C4BPB: variants seen among roughly 807,000 people sequenced by gnomAD.
C4BPB encodes the protein C4b-binding protein beta chain.
C4BPB carries 19 observed loss-of-function variants against 26.6 expected under a neutral mutation model. The observed-to-expected ratio is 0.71, with a 90% CI of 0.50 to 1.05. The LOEUF (loss-of-function observed/expected upper bound fraction) is 1.05, where lower values mean the gene tolerates loss of function less well. C4BPB is among the 50% of genes least tolerant of loss of function. C4BPB has a pLI of 0.00. For synonymous variants in C4BPB, 118 were observed against 103.5 expected, an observed-to-expected ratio of 1.14 and a Z score of -0.85; for missense variants, 282 against 302.9, an observed-to-expected ratio of 0.93 and a Z score of 0.51.
intron 2 of C4BPB, 86 bp downstream of exon 2, chr1:207,089,675 A>G (rs1232116997): frequency 6.3e-6 from 7 of 1,109,100 alleles, no homozygotes; most frequent in Admixed American, 1.9e-5. Context: ...GGCTTTAAGG[A>G]AGTTTACATT....
chr1:207,095,088 C>T, intron 4 of C4BPB: 1 of 315,402 alleles, frequency 3.2e-6, no homozygotes, highest in Non-Finnish European at 6.2e-6. Context: ...CATTGTTAGC[C>T]ACTATTTTTG....
At chr1:207,095,145 A>G (rs116654385) in intron 4 of C4BPB, 3 of 376,536 alleles carry the variant, frequency 8.0e-6, no homozygotes, top group South Asian at 4.0e-5. Flanking sequence ...CTGGGACCTT[A>G]GAGATGATAT....
intron 3 of C4BPB, 80 bp downstream of exon 3, chr1:207,090,561 G>A: frequency 1.5e-6 from 2 of 1,324,712 alleles, no homozygotes; most frequent in South Asian, 1.5e-5. Flanking sequence ...ATAGGCTGTG[G>A]TAAAACTTTA....
intron 1 of C4BPB, 49 bp from the exon 2 acceptor site, chr1:207,089,433 T>G (rs1240621309): frequency 4.3e-6 from 4 of 938,664 alleles, no homozygotes; most frequent in Non-Finnish European, 5.2e-6. Flanking sequence ...GAGGAGGTGG[T>G]TAGGTTGGTC....
chr1:207,095,560 C>T (rs1305203773), intron 4 of C4BPB: 1 of 386,880 alleles, frequency 2.6e-6, no homozygotes, highest in Non-Finnish European at 5.1e-6. Flanking sequence ...AATTCCTGAC[C>T]TCAGGTGATC....
At chr1:207,095,842 A>AGT (rs1684228606) in intron 4 of C4BPB, 3 of 182,884 alleles carry the variant, frequency 1.6e-5, no homozygotes, top group Admixed American at 1.6e-4. Flanking sequence ...GTTGTTTAAA[A>AGT]GTGTGTAACG....
intron 6 of C4BPB, among the ~76,000 whole-genome samples, chr1:207,098,829 TGGGA>T (rs1162809348): frequency 6.6e-6 from 1 of 152,066 alleles, no homozygotes. Context: ...CTGGGAGTGT[TGGGA>T]AACAGTGACA....
intron 4 of C4BPB, chr1:207,095,078 CATT>C: frequency 3.2e-6 from 1 of 309,416 alleles, no homozygotes; most frequent in Non-Finnish European, 6.3e-6. Context: ...CCCACATAAT[CATT>C]GTTAGCCACT....
rs550405064 is a variant in C4BPB, at chr1:207,096,693, C to T, written c.503+78C>T. On this transcript the variant is annotated intron_variant, in intron 5 of 6. Coordinates refer to ENST00000367078, the MANE Select transcript of C4BPB (RefSeq NM_001017365.3). ...TTTGGGGAATAACCCAGTCTGTGTC[C>T]ACCTGGTCATCTGATTTCCTACTGC... 47 of 777,588 alleles carry T rather than the reference C, an allele frequency of 6.0e-5. No individual in the cohort carries two copies. In the East Asian group the frequency reaches 1.1e-3, roughly 18 times the overall value. 48.2% of individuals were successfully genotyped at this position (777,588 alleles called of 1,614,324 possible).
intron 5 of C4BPB, among the ~76,000 whole-genome samples, chr1:207,096,853 G>A (rs1028834352): frequency 8.5e-5 from 13 of 152,052 alleles, no homozygotes; most frequent in African/African-American, 2.2e-4. Context: ...TTTCCTCTCC[G>A]CCAAGACAAG....
intron 4 of C4BPB, chr1:207,095,408 G>A (rs1193262103): frequency 2.2e-6 from 1 of 456,282 alleles, no homozygotes; most frequent in Non-Finnish European, 4.4e-6. Flanking sequence ...TTGGCTCACT[G>A]CAACCTCCAC....
chr1:207,099,024 A>G (rs1030151471), intron 6 of C4BPB, among the ~76,000 whole-genome samples: 2 of 149,684 alleles, frequency 1.3e-5, no homozygotes, highest in African/African-American at 5.0e-5. Context: ...TCTGGGAGTG[A>G]TGGGAGACAG....
Position 207,096,541 on chromosome 1 carries a change from G to A in C4BPB, c.429G>A (p.Gly143=), listed in dbSNP as rs1684258133. The A allele has an allele frequency of 6.2e-7, 1 of 1,608,306 alleles. No individual in the cohort carries two copies. The highest frequency in any genetic ancestry group is 1.3e-5 in the African/African-American group (1 of 74,370). Residue 143 remains glycine, a synonymous_variant, in exon 5 of 7, where the codon GGG becomes GGA. Coordinates refer to ENST00000367078, the MANE Select transcript of C4BPB (RefSeq NM_001017365.3). Reference sequence around the variant, plus strand: ...TCTCAGGGGACTGTGACCCTCCTGGGAATCCAGTTCATGGCTATTTTGAAG... The same window carrying A: ...TCTCAGGGGACTGTGACCCTCCTGGAAATCCAGTTCATGGCTATTTTGAAG... ...ICKSRDCDPP[G]NPVHGYFEGN...
chr1:207,090,493 C>A lies in C4BPB; in HGVS notation c.232+12C>A. On this transcript the variant is annotated intron_variant, in intron 3 of 6. Transcript: ENST00000367078. ...TACTGAGTGCCGCTGTAAGTTAGAT[C>A]TTTCTGTATCTTTGCCCATATTGAT... is the stretch of plus-strand genomic sequence containing the variant. The A allele has an allele frequency of 6.3e-7, 1 of 1,587,574 alleles. No homozygotes were observed. The highest frequency in any genetic ancestry group is 8.6e-7 in the Non-Finnish European group (1 of 1,165,974).
chr1:207,093,908 A>G (rs187340894), intron 4 of C4BPB, among the ~76,000 whole-genome samples: 24 of 152,342 alleles, frequency 1.6e-4, no homozygotes, highest in African/African-American at 5.1e-4. Context: ...AAACAACCCA[A>G]TAGAAAATAA....
chr1:207,098,529 A>G (rs1684346470), intron 6 of C4BPB, among the ~76,000 whole-genome samples: 1 of 152,110 alleles, frequency 6.6e-6, no homozygotes, highest in Non-Finnish European at 1.5e-5. Context: ...TGCCTTATAG[A>G]GCAGTGGTTC....
At chr1:207,093,214 G>A (rs1211027526) in intron 4 of C4BPB, among the ~76,000 whole-genome samples, 1 of 152,008 alleles carries the variant, frequency 6.6e-6, no homozygotes, top group Non-Finnish European at 1.5e-5. Context: ...ATCCTGGATG[G>A]GCAGACTTAC....
chr1:207,091,708 A>G lies in C4BPB; in HGVS notation c.297A>G (p.Val99=). ...GEFSSSGPVN[V]SDKITFMCND... is the part of the protein sequence containing the mutation. ...TCAGTTCTTCAGGGCCTGTGAATGT[A>G]AGTGACAAAATCACGTTTATGTGCA... Residue 99 remains valine, a synonymous_variant, in exon 4 of 7, where the codon GTA becomes GTG. Coordinates refer to ENST00000367078, the MANE Select transcript of C4BPB (RefSeq NM_001017365.3). 1.2e-6 allele frequency: 2 copies of G among 1,614,078 alleles called. No individual in the cohort carries two copies. The highest frequency in any genetic ancestry group is 1.7e-6 in the Non-Finnish European group (2 of 1,179,958).
intron 2 of C4BPB, among the ~76,000 whole-genome samples, 171 bp downstream of exon 2, chr1:207,089,760 C>T (rs1020802568): frequency 7.2e-5 from 11 of 152,274 alleles, no homozygotes; most frequent in Admixed American, 7.2e-4. Flanking sequence ...GCTTAGTGTA[C>T]ATTTAATGAT....
Sources: gnomAD v4.1 joint callset for allele counts (sites outside exome capture counted in the v4.1 genomes callset) on GRCh38, gnomAD v4.1.1 for gene constraint, MANE v1.5 for transcripts, NCBI Gene and HGNC (gene_info 2026-07-23, HGNC 2026-07-21) for gene names.